Variants in ZNF143 observed in about 807,000 individuals in gnomAD.
The protein encoded by ZNF143 is SPH-binding factor.
A neutral mutation model predicts 74.1 loss-of-function variants in ZNF143; 49 were observed. The observed-to-expected ratio is 0.66, with a 90% CI of 0.53 to 0.84. ZNF143 has a LOEUF of 0.84. Ranked by LOEUF, ZNF143 falls within the 40% of genes least tolerant of loss-of-function variation. ZNF143 has a pLI of 0.00. For missense variants in ZNF143, 637 were observed against 793.4 expected (o/e 0.80, Z 2.37); for synonymous variants, 304 against 282.8 (o/e 1.07, Z -0.75).
intron 13 of ZNF143, among the ~76,000 whole-genome samples, chr11:9,513,067 G>A (rs560505891): frequency 1.3e-5 from 2 of 152,268 alleles, no homozygotes; most frequent in African/African-American, 4.8e-5. Flanking sequence ...TTCCCCCCAG[G>A]AAAAGCACAG....
chr11:9,464,823 T>C (rs923254176), intron 1 of ZNF143, among the ~76,000 whole-genome samples: 1 of 151,856 alleles, frequency 6.6e-6, no homozygotes, highest in Admixed American at 6.6e-5. Flanking sequence ...CTCAGGAGGC[T>C]GAGGCAGGGG....
Position 9,497,801 on chromosome 11 carries a change from GTAC to G in ZNF143, c.967+4_967+6del, listed in dbSNP as rs1192596016. On this transcript the variant is annotated splice_donor_variant and splice_donor_region_variant and intron_variant, in intron 10 of 15. Coordinates refer to ENST00000396602, the MANE Select transcript of ZNF143 (RefSeq NM_003442.6). LOFTEE classifies it high-confidence loss of function. ...CAGAAACACATCAGAACTCATACAG[GTAC>G]TAGTGGAAACAGAGTGTCAAAATCT... 6.5e-7 allele frequency: 1 copy of G among 1,549,718 alleles called. No homozygotes were observed. The highest frequency in any genetic ancestry group is 1.4e-5 in the African/African-American group (1 of 70,906).
intron 1 of ZNF143, among the ~76,000 whole-genome samples, chr11:9,467,018 G>A (rs371691864): frequency 8.7e-5 from 13 of 149,674 alleles, no homozygotes; most frequent in African/African-American, 2.7e-4. Context: ...CTCAGCCTCC[G>A]GAGTAGCTGG....
chr11:9,489,925 A>T (rs1847705646), intron 7 of ZNF143, among the ~76,000 whole-genome samples: 1 of 152,200 alleles, frequency 6.6e-6, no homozygotes, highest in Non-Finnish European at 1.5e-5. Context: ...TCACACCTGT[A>T]ATCCAAACAC....
intron 2 of ZNF143, 60 bp from the exon 3 acceptor site, chr11:9,472,617 A>G (rs1856646727): frequency 7.0e-7 from 1 of 1,438,478 alleles, no homozygotes; most frequent in African/African-American, 1.4e-5. Context: ...TTGAAAAAAA[A>G]ATTAATCAGC....
intron 5 of ZNF143, among the ~76,000 whole-genome samples, chr11:9,475,910 A>ATATATGTGTGTGTG (rs370474107): frequency 7.1e-4 from 97 of 137,374 alleles, no homozygotes; most frequent in African/African-American, 2.5e-3. Flanking sequence ...AAAAATATAT[A>ATATATGTGTGTGTG]TGTGTGTGTG....
intron 11 of ZNF143, among the ~76,000 whole-genome samples, chr11:9,502,097 C>T (rs550452880): frequency 6.7e-6 from 1 of 149,696 alleles, no homozygotes; most frequent in Non-Finnish European, 1.5e-5. Context: ...CCACCATGCC[C>T]GGGTAATTTT....
rs368524258 is a variant in ZNF143, at chr11:9,503,461, A to G, written c.1147+2191A>G. On this transcript the variant is annotated intron_variant, in intron 11 of 15. Transcript: ENST00000396602. Reference sequence around the variant, plus strand: ...TTCTCCCAAGTGGCTGCACCATTTTACAGTCTCATCAGCAATGGATGAGGG... The same window carrying G: ...TTCTCCCAAGTGGCTGCACCATTTTGCAGTCTCATCAGCAATGGATGAGGG... Among the ~76,000 whole-genome samples, 35 of 152,280 alleles carry G rather than the reference A, an allele frequency of 2.3e-4. 1 individual carries two copies. The highest frequency in any genetic ancestry group is 8.4e-4 in the African/African-American group (35 of 41,558).
chr11:9,465,675 T>G (rs1856165019), intron 1 of ZNF143, among the ~76,000 whole-genome samples: 1 of 150,180 alleles, frequency 6.7e-6, no homozygotes, highest in Admixed American at 6.7e-5. Context: ...AATTTTTTTT[T>G]TTTTTTTTGT....
chr11:9,475,906 AT>A (rs1856852446), intron 5 of ZNF143, among the ~76,000 whole-genome samples: 1 of 111,454 alleles, frequency 9.0e-6, no homozygotes, highest in African/African-American at 3.4e-5. Flanking sequence ...TCAAAAAAAT[AT>A]ATATGTGTGT....
chr11:9,497,581 C>A, intron 9 of ZNF143, 94 bp from the exon 10 acceptor site: 2 of 969,458 alleles, frequency 2.1e-6, no homozygotes, highest in Non-Finnish European at 1.5e-6. Context: ...ATATTTTATA[C>A]TTGGTATTGA....
At chr11:9,510,643 G>A (rs1848507912) in intron 12 of ZNF143, among the ~76,000 whole-genome samples, 2 of 152,228 alleles carry the variant, frequency 1.3e-5, no homozygotes, top group Admixed American at 1.3e-4. Context: ...GAAATTACAC[G>A]TTGATGACTG....
intron 11 of ZNF143, among the ~76,000 whole-genome samples, chr11:9,504,933 A>G (rs1848304377): frequency 8.6e-6 from 1 of 116,900 alleles, no homozygotes; most frequent in Admixed American, 9.3e-5. Flanking sequence ...TCGGCCTCCC[A>G]AAGTGCTGGG....
intron 11 of ZNF143, among the ~76,000 whole-genome samples, chr11:9,507,193 C>A (rs117673703): frequency 6.6e-6 from 1 of 151,978 alleles, no homozygotes; most frequent in Non-Finnish European, 1.5e-5. Context: ...AGAACCACTG[C>A]GAAAGGTGCA....
intron 11 of ZNF143, among the ~76,000 whole-genome samples, chr11:9,502,411 C>A (rs1359155402): frequency 6.7e-6 from 1 of 149,734 alleles, no homozygotes; most frequent in African/African-American, 2.5e-5. Flanking sequence ...ATATCGAGAC[C>A]ATCCTTGGCT....
chr11:9,492,751 C>T (rs1039735978), intron 7 of ZNF143, among the ~76,000 whole-genome samples: 3 of 152,178 alleles, frequency 2.0e-5, no homozygotes, highest in African/African-American at 4.8e-5. Context: ...GTGAACCTAG[C>T]ACTGTGAGTT....
intron 7 of ZNF143, among the ~76,000 whole-genome samples, chr11:9,492,105 A>ATTTTT (rs34432476): frequency 8.0e-5 from 8 of 100,238 alleles, no homozygotes; most frequent in Non-Finnish European, 1.2e-4. Flanking sequence ...CACCTGGCTA[A>ATTTTT]TTTTTTTTTT....
intron 9 of ZNF143, among the ~76,000 whole-genome samples, chr11:9,497,423 A>AT (rs1302627130): frequency 6.6e-6 from 1 of 151,590 alleles, no homozygotes; most frequent in Non-Finnish European, 1.5e-5. Flanking sequence ...TAGAGATGGG[A>AT]TTTTACCATG....
At chr11:9,523,962 C>T (rs369556994) in intron 14 of ZNF143, among the ~76,000 whole-genome samples, 17 of 148,906 alleles carry the variant, frequency 1.1e-4, no homozygotes, top group East Asian at 4.0e-4. Flanking sequence ...GCAGAAGAAT[C>T]GCTTGAACCT....
Sources: gnomAD v4.1 joint callset for allele counts (sites outside exome capture counted in the v4.1 genomes callset) on GRCh38, gnomAD v4.1.1 for gene constraint, MANE v1.5 for transcripts, NCBI Gene and HGNC (gene_info 2026-07-23, HGNC 2026-07-21) for gene names.